Variants in FBXL17 observed in about 807,000 individuals in gnomAD.
The protein encoded by FBXL17 is F-box and leucine rich repeat protein 17.
In FBXL17, 22 loss-of-function variants were observed where a neutral mutation model predicts 66.2. That is an observed-to-expected ratio of 0.33 (90% CI 0.24 to 0.47). The LOEUF is 0.47. Among genes scored for constraint, FBXL17 ranks in the 20% least tolerant of loss-of-function variants. The pLI is 1.00. For missense variants in FBXL17, 878 were observed against 948.2 expected (o/e 0.93, Z 0.97); for synonymous variants, 474 against 400.5 (o/e 1.18, Z -2.19).
Position 108,085,342 on chromosome 5 carries a change from A to G in FBXL17, c.1746-64341T>C, listed in dbSNP as rs112821692. ...ATCTGACAACAACACAGCCAGAGGC[A>G]TTTTCCAAAAATCCATTTCACATTG... On this transcript the variant is annotated intron_variant, in intron 6 of 8. Coordinates refer to ENST00000542267, the MANE Select transcript of FBXL17 (RefSeq NM_001163315.3). 3.4e-3 allele frequency among the ~76,000 whole-genome samples: 517 copies of G among 152,312 alleles called. 5 individuals carry two copies. Among genetic ancestry groups the G allele is most frequent in the African/African-American group, 0.012 (482 of 41,572 alleles).
chr5:108,284,785 C>CA (rs1202442394), intron 4 of FBXL17, among the ~76,000 whole-genome samples: 1 of 151,800 alleles, frequency 6.6e-6, no homozygotes, highest in African/African-American at 2.4e-5. Flanking sequence ...AGTTTTGCCT[C>CA]AATGTTGATG....
chr5:108,118,149 T>C (rs1297779995), intron 6 of FBXL17, among the ~76,000 whole-genome samples: 1 of 152,206 alleles, frequency 6.6e-6, no homozygotes, highest in Admixed American at 6.5e-5. Context: ...CACTTGAGCC[T>C]GTTCTCTTCT....
intron 4 of FBXL17, among the ~76,000 whole-genome samples, chr5:108,224,590 G>T (rs1027053150): frequency 3.3e-5 from 5 of 151,400 alleles, no homozygotes; most frequent in Admixed American, 2.0e-4. Context: ...TTGTTTTGGG[G>T]TTTTTTGTTT....
intron 8 of FBXL17, among the ~76,000 whole-genome samples, chr5:107,863,696 T>C (rs1167954173): frequency 1.3e-5 from 2 of 152,218 alleles, no homozygotes; most frequent in Non-Finnish European, 2.9e-5. Context: ...GAGTGAATGC[T>C]AAAACAAATA....
At chr5:107,881,631 A>C (rs1748795734) in intron 7 of FBXL17, among the ~76,000 whole-genome samples, 1 of 152,136 alleles carries the variant, frequency 6.6e-6, no homozygotes. Flanking sequence ...AATTGGCATA[A>C]TTTTTTCCAT....
chr5:108,237,483 G>A (rs576428053), intron 4 of FBXL17, among the ~76,000 whole-genome samples: 3 of 152,300 alleles, frequency 2.0e-5, no homozygotes, highest in Admixed American at 1.3e-4. Context: ...ATGGGAGACC[G>A]AAAGCCAGCA....
intron 6 of FBXL17, among the ~76,000 whole-genome samples, chr5:108,088,607 A>G (rs158172): frequency 0.26 from 39,068 of 148,834 alleles, 5,423 homozygotes; most frequent in South Asian, 0.48. Context: ...AGACTGATGC[A>G]GGAGAATCGC....
chr5:108,245,247 T>A (rs762076458), intron 4 of FBXL17, among the ~76,000 whole-genome samples: 1 of 152,150 alleles, frequency 6.6e-6, no homozygotes, highest in Non-Finnish European at 1.5e-5. Context: ...CCTGTGTTTG[T>A]GAAAATATTT....
intron 7 of FBXL17, among the ~76,000 whole-genome samples, chr5:107,982,242 A>G (rs534082897): frequency 6.6e-6 from 1 of 152,320 alleles, no homozygotes; most frequent in East Asian, 1.9e-4. Flanking sequence ...CTGAAAGCTT[A>G]AAAGGATAAC....
At chr5:107,948,591 C>T (rs1751390895) in intron 7 of FBXL17, among the ~76,000 whole-genome samples, 1 of 152,210 alleles carries the variant, frequency 6.6e-6, no homozygotes, top group African/African-American at 2.4e-5. Flanking sequence ...GCTGTCTTTT[C>T]AAATCCATAA....
At chr5:108,030,683 T>C (rs1263496243) in intron 6 of FBXL17, among the ~76,000 whole-genome samples, 1 of 152,136 alleles carries the variant, frequency 6.6e-6, no homozygotes, top group Non-Finnish European at 1.5e-5. Context: ...TCCTTTCAAG[T>C]ACCCAACTAA....
Position 108,381,925 on chromosome 5 carries a change from TGGGCGCGAGCTTTGG to T in FBXL17, c.-249_-235del. On this transcript the variant is annotated 5_prime_UTR_variant, in exon 1 of 9. Coordinates refer to ENST00000542267, the MANE Select transcript of FBXL17 (RefSeq NM_001163315.3). ...TTGCCCAGGGAAGCCGGGAGAACGA[TGGGCGCGAGCTTTGG>T]GGACGCGAGGGAGGGAGCGAGCGAG... The T allele has an allele frequency of 8.0e-7, 1 of 1,253,730 alleles. No homozygotes were observed. The highest frequency in any genetic ancestry group is 3.2e-5 in the East Asian group (1 of 31,050). 77.7% of individuals were successfully genotyped at this position (1,253,730 alleles called of 1,614,324 possible). A position where few individuals can be genotyped will look rare whatever the true frequency, so the allele number is the denominator to read the frequency against.
In FBXL17 at chr5:108,171,672, G is replaced by A. The variant is rs538228765; in HGVS notation, c.1745+14445C>T. Among the ~76,000 whole-genome samples the A allele has an allele frequency of 5.9e-5, 9 of 152,274 alleles. No homozygotes were observed. In the East Asian group the frequency reaches 1.7e-3, roughly 29 times the overall value. ...TACTTGCTCACAACTCTGTGGACTG[G>A]CTATTTGAACTGGGCTTTGCCAAGC... On this transcript the variant is annotated intron_variant, in intron 6 of 8. Transcript: ENST00000542267.
intron 6 of FBXL17, among the ~76,000 whole-genome samples, chr5:108,174,983 T>A (rs899190204): frequency 6.6e-6 from 1 of 152,154 alleles, no homozygotes; most frequent in African/African-American, 2.4e-5. Flanking sequence ...GCAAGCTCTA[T>A]CTGAATCCGA....
chr5:108,270,178 T>C (rs1476132908), intron 4 of FBXL17, among the ~76,000 whole-genome samples: 1 of 151,934 alleles, frequency 6.6e-6, no homozygotes, highest in Non-Finnish European at 1.5e-5. Flanking sequence ...TGTTGCCATA[T>C]AAAAAATTAG....
chr5:107,904,775 A>G (rs1391100039), intron 7 of FBXL17, among the ~76,000 whole-genome samples: 1 of 152,214 alleles, frequency 6.6e-6, no homozygotes, highest in Non-Finnish European at 1.5e-5. Flanking sequence ...CAAATGTGTA[A>G]AATAATATCC....
intron 6 of FBXL17, among the ~76,000 whole-genome samples, chr5:108,147,153 C>T (rs286797): frequency 0.66 from 99,961 of 152,032 alleles, 33,862 homozygotes; most frequent in East Asian, 0.92. Flanking sequence ...GGTTATTCAA[C>T]TTCAACTTGT....
chr5:108,197,081 T>G (rs1321740090), intron 5 of FBXL17, among the ~76,000 whole-genome samples: 1 of 151,654 alleles, frequency 6.6e-6, no homozygotes, highest in African/African-American at 2.4e-5. Flanking sequence ...AGTCTCTAAT[T>G]GAGTTTTTTT....
intron 5 of FBXL17, among the ~76,000 whole-genome samples, chr5:108,191,219 A>G (rs1753456873): frequency 6.6e-6 from 1 of 152,236 alleles, no homozygotes; most frequent in Non-Finnish European, 1.5e-5. Context: ...CAAAAATTTT[A>G]TCCAGCTACA....
Sources: allele counts gnomAD v4.1 joint callset (sites outside exome capture counted in the v4.1 genomes callset), GRCh38; gene constraint gnomAD v4.1.1; transcripts MANE v1.5; gene names NCBI Gene and HGNC (gene_info 2026-07-23, HGNC 2026-07-21).